Variants in RAB31 observed in about 807,000 individuals in gnomAD.
RAB31 encodes ras-related protein Rab-31.
Under a neutral mutation model 25.6 loss-of-function variants are expected in RAB31, and 21 were observed. That is an observed-to-expected ratio of 0.82 (90% CI 0.58 to 1.18). The LOEUF (loss-of-function observed/expected upper bound fraction) is 1.18, where lower values mean the gene tolerates loss of function less well. Ranked by LOEUF, RAB31 falls within the 50% of genes most tolerant of loss-of-function variation. The probability of loss-of-function intolerance (pLI) is 0.00; values close to 1 mark genes in which losing one functional copy is unlikely to be tolerated. For missense variants in RAB31, 196 were observed against 250.1 expected (o/e 0.78, Z 1.46); for synonymous variants, 87 against 84.0 (o/e 1.04, Z -0.20).
chr18:9,717,266 T>C (rs1322052747), intron 1 of RAB31, among the ~76,000 whole-genome samples: 3 of 152,136 alleles, frequency 2.0e-5, no homozygotes, highest in Non-Finnish European at 2.9e-5. Flanking sequence ...TGAGTTTTTT[T>C]CGAATACATT....
At chr18:9,834,500 C>T (rs907938326) in intron 5 of RAB31, among the ~76,000 whole-genome samples, 9 of 152,134 alleles carry the variant, frequency 5.9e-5, no homozygotes, top group African/African-American at 2.2e-4. Flanking sequence ...TGTGGATCTC[C>T]TCACTAATTC....
At chr18:9,798,593 A>T (rs2068497982) in intron 3 of RAB31, among the ~76,000 whole-genome samples, 1 of 150,846 alleles carries the variant, frequency 6.6e-6, no homozygotes, top group East Asian at 1.9e-4. Flanking sequence ...ATATAAAGAC[A>T]GATTTCTTTT....
At chr18:9,834,337 A>G (rs1445011898) in intron 5 of RAB31, among the ~76,000 whole-genome samples, 1 of 152,126 alleles carries the variant, frequency 6.6e-6, no homozygotes, top group Non-Finnish European at 1.5e-5. Flanking sequence ...GCTGGTCTTG[A>G]ACTCCTGACC....
intron 1 of RAB31, among the ~76,000 whole-genome samples, chr18:9,715,861 AT>A (rs915875163): frequency 2.3e-4 from 35 of 151,456 alleles, no homozygotes; most frequent in South Asian, 8.4e-4. Flanking sequence ...AATACTAAAC[AT>A]TTTTTTTTGA....
At chr18:9,730,477 A>G (rs942851103) in intron 1 of RAB31, among the ~76,000 whole-genome samples, 2 of 151,870 alleles carry the variant, frequency 1.3e-5, no homozygotes, top group African/African-American at 2.4e-5. Context: ...TTTAGTAGAG[A>G]CAGGGTCTCA....
chr18:9,781,391 A>T (rs2068403407), intron 2 of RAB31, among the ~76,000 whole-genome samples: 1 of 152,102 alleles, frequency 6.6e-6, no homozygotes, highest in African/African-American at 2.4e-5. Flanking sequence ...ATCTTGGCTC[A>T]CTGCAACCTT....
chr18:9,793,458 T>C (rs998505526), intron 3 of RAB31, among the ~76,000 whole-genome samples: 2 of 152,022 alleles, frequency 1.3e-5, no homozygotes, highest in Non-Finnish European at 2.9e-5. Flanking sequence ...GTCAGGAAAT[T>C]GAGACCATCC....
At chr18:9,731,143 C>T (rs1355030249) in intron 1 of RAB31, among the ~76,000 whole-genome samples, 1 of 152,190 alleles carries the variant, frequency 6.6e-6, no homozygotes, top group African/African-American at 2.4e-5. Flanking sequence ...GGGGTTCTCA[C>T]TGTGTTGATC....
intron 1 of RAB31, among the ~76,000 whole-genome samples, chr18:9,741,108 G>T (rs1484626038): frequency 6.6e-6 from 1 of 152,058 alleles, no homozygotes; most frequent in Non-Finnish European, 1.5e-5. Context: ...CAGCATGGTG[G>T]CTCACGCCTG....
intron 3 of RAB31, among the ~76,000 whole-genome samples, chr18:9,803,859 C>T (rs533945788): frequency 2.0e-5 from 3 of 152,326 alleles, no homozygotes; most frequent in African/African-American, 4.8e-5. Flanking sequence ...CCAGAACTGT[C>T]GTGCCATTTG....
chr18:9,733,079 A>G (rs756452770), intron 1 of RAB31, among the ~76,000 whole-genome samples: 1 of 152,214 alleles, frequency 6.6e-6, no homozygotes, highest in Non-Finnish European at 1.5e-5. Flanking sequence ...GGCGAGTTAG[A>G]CAGTTTCCAC....
Position 9,708,938 on chromosome 18 carries a change from T to G in RAB31, c.39+494T>G, listed in dbSNP as rs1362405322. Among the ~76,000 whole-genome samples, 1 of 152,242 alleles carries G rather than the reference T, an allele frequency of 6.6e-6. No individual in the cohort carries two copies. The highest frequency in any genetic ancestry group is 1.5e-5 in the Non-Finnish European group (1 of 68,042). ...TCAGCCAAGTCGCTGAGTGCTCTTT[T>G]GCCTCCTGGGGGCAATTGATTTACT... On this transcript the variant is annotated intron_variant, in intron 1 of 6. Coordinates refer to ENST00000578921, the MANE Select transcript of RAB31 (RefSeq NM_006868.4). This position sits in a 1 kb window ranked among gnomAD's most constrained non-coding sequence, Gnocchi z 6.4.
chr18:9,770,443 T>C (rs932888248), intron 1 of RAB31, among the ~76,000 whole-genome samples: 2 of 152,190 alleles, frequency 1.3e-5, no homozygotes, highest in African/African-American at 2.4e-5. Flanking sequence ...TTCATAATTA[T>C]AGATTTACAT....
Position 9,769,211 on chromosome 18 carries a change from A to AT in RAB31, c.40-6061dup, listed in dbSNP as rs534538419. ...TTTGTTCCATATGAAATTCAAAGTAATTTTTTCTAATTCTGTGAAGAAAGT... is the reference window on the plus strand; with the variant it reads ...TTTGTTCCATATGAAATTCAAAGTAATTTTTTTCTAATTCTGTGAAGAAAGT... On this transcript the variant is annotated intron_variant, in intron 1 of 6. Coordinates refer to ENST00000578921, the MANE Select transcript of RAB31 (RefSeq NM_006868.4). 4.6e-5 allele frequency among the ~76,000 whole-genome samples: 7 copies of AT among 152,112 alleles called. No homozygotes were observed. The South Asian group carries it at 1.5e-3, about 32-fold the overall frequency.
intron 1 of RAB31, among the ~76,000 whole-genome samples, chr18:9,710,078 C>A (rs2068008580): frequency 6.6e-6 from 1 of 152,192 alleles, no homozygotes; most frequent in African/African-American, 2.4e-5. Flanking sequence ...TGCCGTGTCA[C>A]AGGACCCCTT....
At position 9,781,986 on chromosome 18, in the gene RAB31, G is replaced by T. The variant is rs566470711; in HGVS notation, c.119+6629G>T. Among the ~76,000 whole-genome samples, 3 of 152,290 alleles carry T rather than the reference G, an allele frequency of 2.0e-5. No homozygotes were observed. The South Asian group carries it at 6.2e-4, about 32-fold the overall frequency. The stretch of plus-strand genomic sequence containing the variant: ...TAAGCCAATAGAGAATCAGGAGACT[G>T]GCACGTAATAAACTTGCATTCCTGG... On this transcript the variant is annotated intron_variant, in intron 2 of 6. Coordinates refer to ENST00000578921, the MANE Select transcript of RAB31 (RefSeq NM_006868.4).
intron 5 of RAB31, among the ~76,000 whole-genome samples, chr18:9,838,112 A>G (rs1281507330): frequency 6.6e-6 from 1 of 152,212 alleles, no homozygotes; most frequent in Non-Finnish European, 1.5e-5. Flanking sequence ...ACTTTATAAT[A>G]TCAACCTCCT....
intron 6 of RAB31, among the ~76,000 whole-genome samples, chr18:9,850,598 A>C (rs1334859675): frequency 1.3e-5 from 2 of 152,254 alleles, no homozygotes; most frequent in African/African-American, 4.8e-5. Flanking sequence ...TGACTGTGGC[A>C]GAGAAAGCAG....
At chr18:9,819,830 A>G (rs1005582260) in intron 5 of RAB31, among the ~76,000 whole-genome samples, 4 of 151,846 alleles carry the variant, frequency 2.6e-5, no homozygotes, top group African/African-American at 9.7e-5. Flanking sequence ...TGGTATTGTG[A>G]ATGGGATTGT....
Sources: gnomAD v4.1 joint callset for allele counts (sites outside exome capture counted in the v4.1 genomes callset) on GRCh38, gnomAD v4.1.1 for gene constraint, Gnocchi (gnomAD v3.1) non-coding constraint, MANE v1.5 for transcripts, NCBI Gene and HGNC (gene_info 2026-07-23, HGNC 2026-07-21) for gene names.